The following CD226 variants were observed in gnomAD, a reference collection of about 807,000 sequenced individuals.
CD226 encodes the protein CD226 molecule.
Under a neutral mutation model 34.9 loss-of-function variants are expected in CD226, and 24 were observed. The ratio of observed to expected loss-of-function variants is 0.69; its 90% CI spans 0.50 to 0.97. The LOEUF (loss-of-function observed/expected upper bound fraction) is 0.97. Among genes scored for constraint, CD226 ranks in the 50% least tolerant of loss-of-function variants. The probability of loss-of-function intolerance (pLI) is 0.00; values close to 1 mark genes in which losing one functional copy is unlikely to be tolerated. For synonymous variants in CD226, 148 were observed against 147.4 expected, an observed-to-expected ratio of 1.00 and a Z score of -0.03; for missense variants, 397 against 412.7, an observed-to-expected ratio of 0.96 and a Z score of 0.33.
In CD226 at chr18:69,926,012, G is replaced by A. The variant is rs190297279; in HGVS notation, c.382+20722C>T. On this transcript the variant is annotated intron_variant, in intron 2 of 5. Transcript: ENST00000582621. ...ACAAAAAGTAGTCAGGTGTGAGGGC[G>A]CACAACTGCAATCCAAGCTACTCGG... 3.8e-4 allele frequency among the ~76,000 whole-genome samples: 58 copies of A among 152,126 alleles called. No homozygotes were observed. In the East Asian group the frequency reaches 7.2e-3, roughly 19 times the overall value.
chr18:69,876,461 T>C (rs571803369), intron 3 of CD226, among the ~76,000 whole-genome samples: 16 of 152,354 alleles, frequency 1.1e-4, no homozygotes, highest in African/African-American at 3.1e-4. Context: ...CCGTTTTTAG[T>C]AATGTTTGGC....
intron 2 of CD226, among the ~76,000 whole-genome samples, chr18:69,936,593 A>G (rs774070459): frequency 6.6e-6 from 1 of 152,180 alleles, no homozygotes; most frequent in Admixed American, 6.5e-5. Flanking sequence ...TTTAAATGAA[A>G]AACTGCTAAA....
intron 1 of CD226, among the ~76,000 whole-genome samples, chr18:69,953,531 G>A (rs1174881363): frequency 6.6e-6 from 1 of 152,158 alleles, no homozygotes; most frequent in Non-Finnish European, 1.5e-5. Flanking sequence ...CCATGGAGAT[G>A]GAAAGCAGAT....
chr18:69,946,180 C>CAAA (rs60750165), intron 2 of CD226, among the ~76,000 whole-genome samples: 4 of 66,394 alleles, frequency 6.0e-5, no homozygotes, highest in African/African-American at 2.2e-4. Context: ...AAGACTCCAT[C>CAAA]AAAAAAAAAA....
At chr18:69,930,319 T>C (rs1435953163) in intron 2 of CD226, among the ~76,000 whole-genome samples, 1 of 152,238 alleles carries the variant, frequency 6.6e-6, no homozygotes, top group Non-Finnish European at 1.5e-5. Context: ...ATGACTTCTA[T>C]GTTTTTAAGA....
At chr18:69,959,964 T>C (rs1470040550), upstream of CD226, among the ~76,000 whole-genome samples, 2 of 152,088 alleles carry the variant, frequency 1.3e-5, no homozygotes, top group African/African-American at 4.8e-5. Context: ...ATGCAGGCAA[T>C]GGCTGGGCAC....
chr18:69,938,878 G>A (rs563498300), intron 2 of CD226, among the ~76,000 whole-genome samples: 2 of 152,314 alleles, frequency 1.3e-5, no homozygotes, highest in African/African-American at 4.8e-5. Context: ...CTGAGGTCAG[G>A]AGTTTGAGAT....
chr18:69,888,923 T>A (rs918417318), intron 3 of CD226, among the ~76,000 whole-genome samples: 1 of 152,108 alleles, frequency 6.6e-6, no homozygotes, highest in East Asian at 1.9e-4. Context: ...ACAATAATAG[T>A]ATGTATAAAA....
In CD226 at chr18:69,855,970, C is replaced by A. The variant is rs894314033; in HGVS notation, c.*8344G>T. On this transcript the variant is annotated 3_prime_UTR_variant, in exon 6 of 6. Coordinates refer to ENST00000582621, the MANE Select transcript of CD226 (RefSeq NM_001303618.2). ...GTATCAAAACATCACATGTACCCCC[C>A]AAATATATACAACTCCTATATATCT... 1.3e-5 allele frequency: 2 copies of A among 151,990 alleles called. No homozygotes were observed. The highest frequency in any genetic ancestry group is 2.4e-5 in the African/African-American group (1 of 41,386). The allele number at this position is 151,990 out of a possible 1,614,324, so 9.4% of individuals were successfully genotyped here.
intron 2 of CD226, among the ~76,000 whole-genome samples, chr18:69,937,547 C>T (rs1229211752): frequency 6.6e-6 from 1 of 152,082 alleles, no homozygotes; most frequent in Non-Finnish European, 1.5e-5. Context: ...TTCTCTCTCC[C>T]AATATTCTAC....
At position 69,864,038 on chromosome 18, in the gene CD226, T is replaced by C. The variant is rs1490278758; in HGVS notation, c.*276A>G. On this transcript the variant is annotated 3_prime_UTR_variant, in exon 6 of 6. Coordinates refer to ENST00000582621, the MANE Select transcript of CD226 (RefSeq NM_001303618.2). ...AATTCTAGACACAACATTTAAGCCC[T>C]GGTAAATAGCCCTTGCCCAAAGCTT... 1 of 272,406 alleles carries C rather than the reference T, an allele frequency of 3.7e-6. No individual in the cohort carries two copies. The highest frequency in any genetic ancestry group is 2.2e-5 in the African/African-American group (1 of 45,254). The allele number at this position is 272,406 out of a possible 1,614,324, so 16.9% of individuals were successfully genotyped here. A position where few individuals can be genotyped will look rare whatever the true frequency, so the allele number is the denominator to read the frequency against.
intron 2 of CD226, among the ~76,000 whole-genome samples, chr18:69,936,061 T>C (rs2055648708): frequency 6.6e-6 from 1 of 151,834 alleles, no homozygotes; most frequent in African/African-American, 2.4e-5. Context: ...GTGAAGGAGG[T>C]AGAGAGAAAC....
intron 2 of CD226, among the ~76,000 whole-genome samples, chr18:69,935,599 T>TTCC (rs2055642984): frequency 6.6e-6 from 1 of 152,226 alleles, no homozygotes; most frequent in African/African-American, 2.4e-5. Flanking sequence ...AGGAAATGTA[T>TTCC]TCCTCATGTT....
chr18:69,866,813 C>T (rs1983177215), intron 5 of CD226, among the ~76,000 whole-genome samples: 1 of 151,964 alleles, frequency 6.6e-6, no homozygotes, highest in South Asian at 2.1e-4. Context: ...CTGGGGTCTC[C>T]ATAAGAAAAG....
rs1982570383 is a variant in CD226, at chr18:69,854,979, T to C, written c.*9335A>G. On this transcript the variant is annotated 3_prime_UTR_variant, in exon 6 of 6. Coordinates refer to ENST00000582621, the MANE Select transcript of CD226 (RefSeq NM_001303618.2). ...AACAAAACAAAGACACTAGAGGAAT[T>C]TGAAGAAATTTAGCACCTATGGTTA... 1 of 152,114 alleles carries C rather than the reference T, an allele frequency of 6.6e-6. No homozygotes were observed. The highest frequency in any genetic ancestry group is 6.5e-5 in the Admixed American group (1 of 15,278). 9.4% of individuals were successfully genotyped at this position (152,114 alleles called of 1,614,324 possible). A position where few individuals can be genotyped will look rare whatever the true frequency, so the allele number is the denominator to read the frequency against.
At chr18:69,940,583 A>G (rs946988464) in intron 2 of CD226, among the ~76,000 whole-genome samples, 6 of 152,114 alleles carry the variant, frequency 3.9e-5, no homozygotes, top group Non-Finnish European at 2.9e-5. Flanking sequence ...CACTCTTGCT[A>G]TGCAAAGAGT....
rs1983018765 is a variant in CD226 at position 69,864,546 on chromosome 18, T to G, written c.886-107A>C. ...AAATGCAGGCATGATATGGGACAAG[T>G]TTCCATTATAATTAATTTGATAAAA... is the stretch of plus-strand genomic sequence containing the variant. On this transcript the variant is annotated intron_variant, in intron 5 of 5. Transcript: ENST00000582621. 6 of 1,064,822 alleles carry G rather than the reference T, an allele frequency of 5.6e-6. No homozygotes were observed. In the East Asian group the frequency reaches 1.5e-4, roughly 26 times the overall value. The allele number at this position is 1,064,822 out of a possible 1,614,324, so 66.0% of individuals were successfully genotyped here. A position where few individuals can be genotyped will look rare whatever the true frequency, so the allele number is the denominator to read the frequency against.
rs114942912 is a variant in CD226, at chr18:69,873,811, C to T, written c.728-565G>A. On this transcript the variant is annotated intron_variant, in intron 3 of 5. Transcript: ENST00000582621. ...ATTTGAACCCCAGAGGCGGAGCTTG[C>T]AGTGAGCCCGGATCTTGCCACTGCA... is the stretch of plus-strand genomic sequence containing the variant. 7.5e-3 allele frequency among the ~76,000 whole-genome samples: 1,147 copies of T among 152,240 alleles called. 18 individuals are homozygous for T. The highest frequency in any genetic ancestry group is 0.026 in the African/African-American group (1,085 of 41,528).
chr18:69,945,906 A>G (rs1258836527), intron 2 of CD226, among the ~76,000 whole-genome samples: 6 of 152,022 alleles, frequency 3.9e-5, no homozygotes, highest in African/African-American at 7.3e-5. Flanking sequence ...AGTGCAGGGG[A>G]ACTCCTCTTT....
Sources: allele counts gnomAD v4.1 joint callset (sites outside exome capture counted in the v4.1 genomes callset), GRCh38; gene constraint gnomAD v4.1.1; transcripts MANE v1.5; gene names NCBI Gene and HGNC (gene_info 2026-07-23, HGNC 2026-07-21).